The following FREM2 variants were observed in gnomAD, a reference collection of about 807,000 sequenced individuals.
FREM2 encodes FRAS1 related extracellular matrix 2.
A neutral mutation model predicts 219.9 loss-of-function variants in FREM2; 119 were observed. The ratio of observed to expected loss-of-function variants is 0.54; its 90% confidence interval spans 0.47 to 0.63. FREM2 has a LOEUF of 0.63. Ranked by LOEUF, FREM2 falls within the 30% of genes least tolerant of loss-of-function variation. The pLI is 0.00. For missense variants in FREM2, 4,030 were observed against 3,993.6 expected, an observed-to-expected ratio of 1.01 and a Z score of -0.25; for synonymous variants, 1,562 against 1,522.8, an observed-to-expected ratio of 1.03 and a Z score of -0.60.
At position 38,688,128 on chromosome 13, in the gene FREM2, C is replaced by A. The variant is rs1177011080; in HGVS notation, c.784C>A (p.Leu262Ile). 2.5e-6 allele frequency: 4 copies of A among 1,613,290 alleles called. No individual in the cohort carries two copies. Among genetic ancestry groups the A allele is most frequent in the Non-Finnish European group, 3.4e-6 (4 of 1,179,808 alleles). ...LLMDCKAFQE[L>I]GVRYRHTAAS... ...GATGGACTGCAAAGCTTTCCAGGAA[C>A]TAGGCGTGCGCTATCGCCACACAGC... The change falls in exon 1 of 24, where the codon CTA (leucine) becomes ATA (isoleucine). Residue 262 changes from leucine (L) to isoleucine (I), a missense_variant. Leu to Ile is a conservative substitution (Grantham distance 5). Transcript: ENST00000280481.
chr13:38,807,104 T>C (rs1875259495), intron 6 of FREM2, among the ~76,000 whole-genome samples: 2 of 146,686 alleles, frequency 1.4e-5, no homozygotes, highest in Admixed American at 1.4e-4. Flanking sequence ...AACCCCTCAA[T>C]GTCATCCATG....
In FREM2 at chr13:38,688,023, C is replaced by G. The variant is rs759502378; in HGVS notation, c.679C>G (p.Leu227Val). Residue 227 changes from leucine (L) to valine (V), a missense_variant, in exon 1 of 24, where the codon CTG (leucine) becomes GTG (valine). Transcript: ENST00000280481. ...RVGILSGLGA[L>V]PRYGELLHYP... is the part of the protein sequence containing the mutation. Reference sequence around the variant, plus strand: ...GGGCATCCTGTCCGGCTTGGGCGCGCTGCCTCGCTATGGAGAACTCCTCCA... The same window carrying G: ...GGGCATCCTGTCCGGCTTGGGCGCGGTGCCTCGCTATGGAGAACTCCTCCA... 11 of 1,611,438 alleles carry G rather than the reference C, an allele frequency of 6.8e-6. No homozygotes were observed. Among genetic ancestry groups the G allele is most frequent in the Admixed American group, 3.3e-5 (2 of 59,958 alleles).
rs781240147 is a variant in FREM2 at position 38,697,797 on chromosome 13, C to G, written c.5263+10C>G. 2 of 1,513,888 alleles carry G rather than the reference C, an allele frequency of 1.3e-6. No individual in the cohort carries two copies. The highest frequency in any genetic ancestry group is 1.8e-6 in the Non-Finnish European group (2 of 1,088,860). The allele number at this position is 1,513,888 out of a possible 1,614,324, so 93.8% of individuals were successfully genotyped here. ...GCAGTTGAAGATGGTGGTAAGTATT[C>G]CCCTCTCCTGGTAGTGACCGCAAGG... On this transcript the variant is annotated intron_variant, in intron 2 of 23. Coordinates refer to ENST00000280481, the MANE Select transcript of FREM2 (RefSeq NM_207361.6).
chr13:38,805,707 G>T (rs762041228), intron 6 of FREM2, among the ~76,000 whole-genome samples: 5 of 151,920 alleles, frequency 3.3e-5, no homozygotes, highest in Non-Finnish European at 7.4e-5. Context: ...GTGGAATAAT[G>T]AAAGGTTACC....
intron 2 of FREM2, among the ~76,000 whole-genome samples, chr13:38,720,072 T>TAG (rs1477215628): frequency 6.6e-6 from 1 of 152,160 alleles, no homozygotes; most frequent in Non-Finnish European, 1.5e-5. Context: ...GGGAAGAGGA[T>TAG]AGCAAAGAAG....
At chr13:38,791,047 T>G (rs1414160454) in intron 6 of FREM2, among the ~76,000 whole-genome samples, 3 of 152,078 alleles carry the variant, frequency 2.0e-5, no homozygotes, top group African/African-American at 7.2e-5. Flanking sequence ...CAGGAAAAAT[T>G]GGGCGATGAC....
At chr13:38,849,224 G>C (rs1361866519) in intron 8 of FREM2, among the ~76,000 whole-genome samples, 2 of 152,126 alleles carry the variant, frequency 1.3e-5, no homozygotes, top group Non-Finnish European at 2.9e-5. Flanking sequence ...GATAGAATTA[G>C]ACAGTCTCAG....
chr13:38,708,653 CAATA>C (rs989615296), intron 2 of FREM2, among the ~76,000 whole-genome samples: 7 of 152,028 alleles, frequency 4.6e-5, no homozygotes, highest in African/African-American at 1.2e-4. Flanking sequence ...GACTCTGTCT[CAATA>C]AATAAATAAA....
At chr13:38,809,881 T>A (rs1875408131) in intron 6 of FREM2, among the ~76,000 whole-genome samples, 2 of 152,122 alleles carry the variant, frequency 1.3e-5, no homozygotes, top group Non-Finnish European at 1.5e-5. Context: ...TTATTGGTAT[T>A]TTTATAGGGA....
chr13:38,803,462 C>A (rs1875099664), intron 6 of FREM2, among the ~76,000 whole-genome samples: 1 of 152,110 alleles, frequency 6.6e-6, no homozygotes, highest in African/African-American at 2.4e-5. Context: ...AGCAACACAA[C>A]TGATGTTAAG....
chr13:38,846,522 G>A, intron 6 of FREM2, 51 bp from the exon 7 acceptor site: 1 of 1,579,668 alleles, frequency 6.3e-7, no homozygotes, highest in East Asian at 2.3e-5. Context: ...AATAGAGTTT[G>A]ATGTGAAAAA....
chr13:38,741,091 G>T (rs1407137756), intron 2 of FREM2, among the ~76,000 whole-genome samples: 1 of 152,104 alleles, frequency 6.6e-6, no homozygotes, highest in African/African-American at 2.4e-5. Context: ...ATGTTACAAT[G>T]TAGGAAACTA....
intron 5 of FREM2, among the ~76,000 whole-genome samples, chr13:38,783,865 G>A (rs980543790): frequency 2.6e-5 from 4 of 152,230 alleles, no homozygotes; most frequent in Non-Finnish European, 5.9e-5. Context: ...GGGAGGCCGA[G>A]GCGGGTGGAT....
At chr13:38,785,221 A>G (rs1874279539) in intron 6 of FREM2, among the ~76,000 whole-genome samples, 1 of 152,198 alleles carries the variant, frequency 6.6e-6, no homozygotes, top group Admixed American at 6.5e-5. Context: ...CTGTCGGGCA[A>G]GGCTGTTAAA....
chr13:38,735,276 C>T (rs941202906), intron 2 of FREM2, among the ~76,000 whole-genome samples: 1 of 152,030 alleles, frequency 6.6e-6, no homozygotes, highest in Admixed American at 6.6e-5. Flanking sequence ...AAAATCATCC[C>T]GTTTATAGCA....
chr13:38,709,361 T>C (rs1870669810), intron 2 of FREM2, among the ~76,000 whole-genome samples: 1 of 152,180 alleles, frequency 6.6e-6, no homozygotes. Flanking sequence ...CATGGATGTA[T>C]ATAGCAATAT....
chr13:38,811,458 G>A (rs1290173289), intron 6 of FREM2, among the ~76,000 whole-genome samples: 1 of 151,758 alleles, frequency 6.6e-6, no homozygotes, highest in South Asian at 2.1e-4. Context: ...TTCCCTTTTA[G>A]TACTGCTTTG....
At chr13:38,852,936 T>C (rs189360101) in intron 11 of FREM2, among the ~76,000 whole-genome samples, 1 of 151,902 alleles carries the variant, frequency 6.6e-6, no homozygotes, top group Non-Finnish European at 1.5e-5. Flanking sequence ...AAACTCCTAG[T>C]CTCAAGTGAT....
At position 38,689,426 on chromosome 13, in the gene FREM2, T is replaced by G. The variant is rs751450436; in HGVS notation, c.2082T>G (p.His694Gln). The change falls in exon 1 of 24, where the codon CAT (histidine) becomes CAG (glutamine). Residue 694 changes from histidine (H) to glutamine (Q), a missense_variant. Transcript: ENST00000280481. ...TACAGCGGTTTGTGATTCGTATCCA[T>G]CCTGTGGATCGCCTCCCTCCGGAGC... ...SGLQRFVIRI[H>Q]PVDRLPPELG... 8.7e-6 allele frequency: 14 copies of G among 1,613,890 alleles called. No homozygotes were observed. Among genetic ancestry groups the G allele is most frequent in the Non-Finnish European group, 1.0e-5 (12 of 1,179,974 alleles).
Sources: allele counts gnomAD v4.1 joint callset (sites outside exome capture counted in the v4.1 genomes callset), GRCh38; gene constraint gnomAD v4.1.1; transcripts MANE v1.5; gene names NCBI Gene and HGNC (gene_info 2026-07-23, HGNC 2026-07-21).